The following ZNF362 variants were observed in gnomAD, a reference collection of about 807,000 sequenced individuals.
The protein encoded by ZNF362 is rotund homolog.
A neutral mutation model predicts 42.9 loss-of-function variants in ZNF362; 11 were observed. The observed-to-expected ratio is 0.26, with a 90% CI of 0.16 to 0.42. The LOEUF (loss-of-function observed/expected upper bound fraction) is 0.42, where lower values mean the gene tolerates loss of function less well. Ranked by LOEUF, ZNF362 falls within the 20% of genes least tolerant of loss-of-function variation. ZNF362 has a pLI of 1.00. For synonymous variants in ZNF362, 255 were observed against 257.3 expected, an observed-to-expected ratio of 0.99 and a Z score of 0.09; for missense variants, 362 against 576.2, an observed-to-expected ratio of 0.63 and a Z score of 3.81.
the ZNF362 span, among the ~76,000 whole-genome samples, chr1:33,193,004 C>CACACACACACACATATATATATATATAT: frequency 4.5e-4 from 62 of 137,274 alleles, no homozygotes; most frequent in East Asian, 2.2e-3. Flanking sequence ...CACACACACA[C>CACACACACACACATATATATATATATAT]ATATATATAT....
At chr1:33,291,640 A>G (rs1033750506) in intron 6 of ZNF362, among the ~76,000 whole-genome samples, 9 of 152,338 alleles carry the variant, frequency 5.9e-5, no homozygotes, top group East Asian at 1.9e-4. Context: ...CATTGAATCT[A>G]TAAATTACCT....
chr1:33,292,921 T>C (rs892446369), intron 6 of ZNF362, among the ~76,000 whole-genome samples: 1 of 152,184 alleles, frequency 6.6e-6, no homozygotes, highest in African/African-American at 2.4e-5. Context: ...TCCTGAAACA[T>C]GTGACATCCA....
chr1:33,185,422 A>G, the ZNF362 span, among the ~76,000 whole-genome samples: 1 of 151,994 alleles, frequency 6.6e-6, no homozygotes, highest in South Asian at 2.1e-4. Context: ...GGGTTTCACC[A>G]TGTTGGCCAG....
chr1:33,236,226 A>C, the ZNF362 span, among the ~76,000 whole-genome samples: 1 of 151,932 alleles, frequency 6.6e-6, no homozygotes, highest in Non-Finnish European at 1.5e-5. Flanking sequence ...ATCACCCAGC[A>C]CACACATAAA....
At chr1:33,224,725 A>G in the ZNF362 span, among the ~76,000 whole-genome samples, 1 of 152,244 alleles carries the variant, frequency 6.6e-6, no homozygotes, top group Admixed American at 6.5e-5. Flanking sequence ...AAAATAGGGC[A>G]GATGCAATAT....
the ZNF362 span, chr1:33,159,902 C>T: frequency 1.3e-5 from 21 of 1,609,268 alleles, no homozygotes; most frequent in Middle Eastern, 1.6e-4. The surrounding 1 kb of genome is among the most constrained non-coding windows in gnomAD (Gnocchi z 4.2). Flanking sequence ...TGCAGCCGCT[C>T]GAAGGCCTCG....
At chr1:33,189,874 A>G in the ZNF362 span, among the ~76,000 whole-genome samples, 2 of 151,502 alleles carry the variant, frequency 1.3e-5, no homozygotes, top group African/African-American at 2.4e-5. Flanking sequence ...GGATGGGGAA[A>G]ATAGTCACAG....
At chr1:33,222,045 C>T in the ZNF362 span, among the ~76,000 whole-genome samples, 1 of 152,064 alleles carries the variant, frequency 6.6e-6, no homozygotes. Flanking sequence ...AGGACAGTTA[C>T]GGTGCCCAGT....
At chr1:33,206,228 A>G in the ZNF362 span, among the ~76,000 whole-genome samples, 1 of 152,136 alleles carries the variant, frequency 6.6e-6, no homozygotes, top group African/African-American at 2.4e-5. Flanking sequence ...AGATACTACC[A>G]TGCACCTGTT....
the ZNF362 span, among the ~76,000 whole-genome samples, chr1:33,238,363 T>TAATAAAATAAAATAA: frequency 1.5e-4 from 11 of 71,710 alleles, 1 homozygote; most frequent in African/African-American, 6.0e-4. Context: ...TAAAATAAAA[T>TAATAAAATAAAATAA]AATAAAATAA....
At chr1:33,264,024 C>T (rs990049705) in intron 1 of ZNF362, among the ~76,000 whole-genome samples, 4 of 152,160 alleles carry the variant, frequency 2.6e-5, no homozygotes, top group Non-Finnish European at 4.4e-5. Flanking sequence ...CCTGCTCTGT[C>T]TGCTGGCCTG....
chr1:33,156,351 C>T, the ZNF362 span, among the ~76,000 whole-genome samples: 1 of 152,216 alleles, frequency 6.6e-6, no homozygotes, highest in African/African-American at 2.4e-5. Context: ...ACTGCTCCAC[C>T]CAACCAGCTC....
chr1:33,141,232 CCTT>C, the ZNF362 span, among the ~76,000 whole-genome samples: 695 of 152,064 alleles, frequency 4.6e-3, 20 homozygotes, highest in East Asian at 0.086. Context: ...CCCCCGCAGA[CCTT>C]CTTAGATGTG....
chr1:33,228,820 C>T, the ZNF362 span, among the ~76,000 whole-genome samples: 5 of 152,146 alleles, frequency 3.3e-5, no homozygotes, highest in African/African-American at 1.2e-4. Context: ...AAATGAAGGT[C>T]AAGCCTATCA....
chr1:33,192,315 T>A, the ZNF362 span, among the ~76,000 whole-genome samples: 2 of 152,182 alleles, frequency 1.3e-5, no homozygotes, highest in African/African-American at 4.8e-5. Context: ...TGTCCCCCAA[T>A]TCATCCTAGG....
At chr1:33,208,411 G>A in the ZNF362 span, among the ~76,000 whole-genome samples, 1 of 152,046 alleles carries the variant, frequency 6.6e-6, no homozygotes, top group Non-Finnish European at 1.5e-5. Flanking sequence ...TGGCTCTGTG[G>A]GCTCTTTTTT....
At chr1:33,193,955 T>C in the ZNF362 span, among the ~76,000 whole-genome samples, 1 of 152,188 alleles carries the variant, frequency 6.6e-6, no homozygotes, top group Non-Finnish European at 1.5e-5. Context: ...TAGTGGTGCA[T>C]ACGCCAAAAA....
At chr1:33,194,191 A>G in the ZNF362 span, among the ~76,000 whole-genome samples, 1 of 152,190 alleles carries the variant, frequency 6.6e-6, no homozygotes, top group East Asian at 1.9e-4. Context: ...AATTACCCAG[A>G]AGGCAGCACA....
chr1:33,159,908 C>T, the ZNF362 span: 3 of 1,608,462 alleles, frequency 1.9e-6, no homozygotes, highest in African/African-American at 2.7e-5. This position sits in a 1 kb window ranked among gnomAD's most constrained non-coding sequence, Gnocchi z 4.2. Flanking sequence ...CGCTCGAAGG[C>T]CTCGCCGATA....
Sources: gnomAD v4.1 joint callset for allele counts (sites outside exome capture counted in the v4.1 genomes callset) on GRCh38, gnomAD v4.1.1 for gene constraint, Gnocchi (gnomAD v3.1) non-coding constraint, MANE v1.5 for transcripts, NCBI Gene and HGNC (gene_info 2026-07-23, HGNC 2026-07-21) for gene names.